Variants in B3GALT1 observed in about 807,000 individuals in gnomAD.
B3GALT1 encodes UDP-Gal:betaGlcNAc beta 1,3-galactosyltransferase, polypeptide 1.
Under a neutral mutation model 23.2 loss-of-function variants are expected in B3GALT1, and 10 were observed. The observed-to-expected ratio is 0.43, with a 90% CI of 0.27 to 0.73. The LOEUF (loss-of-function observed/expected upper bound fraction) is 0.73, where lower values mean the gene tolerates loss of function less well. Ranked by LOEUF, B3GALT1 falls within the 30% of genes least tolerant of loss-of-function variation. The probability of loss-of-function intolerance (pLI) is 0.21; values close to 1 mark genes in which losing one functional copy is unlikely to be tolerated. For missense variants in B3GALT1, 299 were observed against 405.4 expected, an observed-to-expected ratio of 0.74 and a Z score of 2.25; for synonymous variants, 156 against 141.5, an observed-to-expected ratio of 1.10 and a Z score of -0.73.
intron 1 of B3GALT1, among the ~76,000 whole-genome samples, chr2:167,303,122 T>C (rs1696478300): frequency 1.3e-5 from 2 of 152,208 alleles, no homozygotes; most frequent in Admixed American, 1.3e-4. Flanking sequence ...GGTTGATCAT[T>C]GGTTGCCTTG....
chr2:167,432,388 T>G lies in B3GALT1; in HGVS notation c.-510-57789T>G, dbSNP rs77365231. ...ACAAGACAATTGGTTCACCTGGAAGTATTCCAGGTCTCACCAAATCCAGCC... is the reference window on the plus strand; with the variant it reads ...ACAAGACAATTGGTTCACCTGGAAGGATTCCAGGTCTCACCAAATCCAGCC... On this transcript the variant is annotated intron_variant, in intron 1 of 4. Coordinates refer to ENST00000392690, the MANE Select transcript of B3GALT1 (RefSeq NM_020981.4). Among the ~76,000 whole-genome samples the G allele has an allele frequency of 4.8e-3, 728 of 152,290 alleles. 6 individuals carry two copies. Among genetic ancestry groups the G allele is most frequent in the East Asian group, 0.018 (94 of 5,178 alleles).
At chr2:167,461,352 C>A (rs981314948) in intron 1 of B3GALT1, among the ~76,000 whole-genome samples, 1 of 152,218 alleles carries the variant, frequency 6.6e-6, no homozygotes, top group Non-Finnish European at 1.5e-5. Context: ...TTCAAACCTT[C>A]CATAGACGCC....
At chr2:167,503,011 C>T (rs1370020476) in intron 2 of B3GALT1, among the ~76,000 whole-genome samples, 2 of 152,004 alleles carry the variant, frequency 1.3e-5, no homozygotes, top group Non-Finnish European at 2.9e-5. Flanking sequence ...TGTACTCCAG[C>T]CTGGGTGACA....
intron 2 of B3GALT1, among the ~76,000 whole-genome samples, chr2:167,643,953 T>G (rs1479055484): frequency 6.6e-6 from 1 of 152,180 alleles, no homozygotes; most frequent in Non-Finnish European, 1.5e-5. Context: ...TCTCTCTGTC[T>G]TTCATGTTTA....
intron 2 of B3GALT1, among the ~76,000 whole-genome samples, chr2:167,525,628 T>TA (rs1683207341): frequency 6.6e-6 from 1 of 152,002 alleles, no homozygotes; most frequent in Non-Finnish European, 1.5e-5. Context: ...TCATTTTTTT[T>TA]ATTTTTTATT....
chr2:167,311,861 C>A (rs1696638659), intron 1 of B3GALT1, among the ~76,000 whole-genome samples: 1 of 151,738 alleles, frequency 6.6e-6, no homozygotes, highest in African/African-American at 2.4e-5. Context: ...GTGGGAGGAC[C>A]TTGTATATGC....
chr2:167,816,567 TG>T (rs1688995113), intron 3 of B3GALT1, among the ~76,000 whole-genome samples: 1 of 152,216 alleles, frequency 6.6e-6, no homozygotes, highest in Non-Finnish European at 1.5e-5. Context: ...TTTCATTCCT[TG>T]CTTCCCTTTT....
chr2:167,597,373 C>G (rs1684798062), intron 2 of B3GALT1, among the ~76,000 whole-genome samples: 1 of 152,078 alleles, frequency 6.6e-6, no homozygotes, highest in Admixed American at 6.5e-5. Context: ...CCTTGGCCTC[C>G]CAAAGTGCTG....
At chr2:167,512,603 T>TAC in intron 2 of B3GALT1, among the ~76,000 whole-genome samples, 1 of 104,374 alleles carries the variant, frequency 9.6e-6, no homozygotes, top group East Asian at 4.9e-4. Context: ...TGTATATATA[T>TAC]ATATGTATAT....
At chr2:167,502,735 T>C (rs564724039) in intron 2 of B3GALT1, among the ~76,000 whole-genome samples, 3 of 152,228 alleles carry the variant, frequency 2.0e-5, no homozygotes, top group Admixed American at 6.5e-5. Flanking sequence ...TCTTTCAACA[T>C]TGGGGATTAA....
intron 1 of B3GALT1, among the ~76,000 whole-genome samples, chr2:167,425,941 T>C (rs998790801): frequency 3.9e-5 from 6 of 152,230 alleles, no homozygotes; most frequent in Admixed American, 3.3e-4. Context: ...ATACCATTTT[T>C]TGCTGCTTTA....
chr2:167,536,142 A>G (rs539360657), intron 2 of B3GALT1, among the ~76,000 whole-genome samples: 15 of 152,244 alleles, frequency 9.9e-5, no homozygotes, highest in African/African-American at 3.6e-4. Context: ...CCTGACATCA[A>G]GTGATCCACC....
At chr2:167,696,664 T>C (rs910439410) in intron 3 of B3GALT1, among the ~76,000 whole-genome samples, 2 of 152,192 alleles carry the variant, frequency 1.3e-5, no homozygotes, top group African/African-American at 4.8e-5. Context: ...GGTCAAATTA[T>C]ATCCGAACAG....
intron 1 of B3GALT1, among the ~76,000 whole-genome samples, chr2:167,300,049 C>T (rs1437337336): frequency 1.3e-5 from 2 of 151,914 alleles, no homozygotes; most frequent in Admixed American, 1.3e-4. Flanking sequence ...ATTACAGATT[C>T]CCGCCACCAC....
chr2:167,438,056 A>T (rs140176903), intron 1 of B3GALT1, among the ~76,000 whole-genome samples: 1 of 152,370 alleles, frequency 6.6e-6, no homozygotes, highest in African/African-American at 2.4e-5. Context: ...CTAAAGTAAC[A>T]TGCCACCTAC....
At chr2:167,672,247 C>A (rs959461705) in intron 3 of B3GALT1, among the ~76,000 whole-genome samples, 1 of 152,092 alleles carries the variant, frequency 6.6e-6, no homozygotes, top group African/African-American at 2.4e-5. Context: ...CAGATATTGT[C>A]ATGTTAGCCC....
At chr2:167,370,457 A>G (rs1697664147) in intron 1 of B3GALT1, among the ~76,000 whole-genome samples, 1 of 152,178 alleles carries the variant, frequency 6.6e-6, no homozygotes, top group African/African-American at 2.4e-5. Flanking sequence ...GGAAAGAAAA[A>G]TGAAGATGAT....
At chr2:167,473,342 G>T (rs936158608) in intron 1 of B3GALT1, among the ~76,000 whole-genome samples, 2 of 152,064 alleles carry the variant, frequency 1.3e-5, no homozygotes, top group Non-Finnish European at 2.9e-5. Flanking sequence ...AACAAACTTT[G>T]TTGTTCCTTG....
At chr2:167,729,243 G>T (rs530634454) in intron 3 of B3GALT1, among the ~76,000 whole-genome samples, 1 of 152,312 alleles carries the variant, frequency 6.6e-6, no homozygotes, top group South Asian at 2.1e-4. Context: ...TGAATGAGCA[G>T]GTGAGGACAG....
Sources: allele counts gnomAD v4.1 joint callset (sites outside exome capture counted in the v4.1 genomes callset), GRCh38; gene constraint gnomAD v4.1.1; transcripts MANE v1.5; gene names NCBI Gene and HGNC (gene_info 2026-07-23, HGNC 2026-07-21).